The following ADAMTS3 variants were observed in gnomAD, a reference collection of about 807,000 sequenced individuals.
The protein encoded by ADAMTS3 is ADAM metallopeptidase with thrombospondin type 1 motif 3.
A neutral mutation model predicts 129.0 loss-of-function variants in ADAMTS3; 73 were observed. The ratio of observed to expected loss-of-function variants is 0.57; its 90% CI spans 0.47 to 0.69. The LOEUF is 0.69. ADAMTS3 is among the 30% of genes least tolerant of loss of function. The pLI is 0.00. For missense variants in ADAMTS3, 1,457 were observed against 1,514.5 expected, an observed-to-expected ratio of 0.96 and a Z score of 0.63; for synonymous variants, 477 against 510.8, an observed-to-expected ratio of 0.93 and a Z score of 0.89.
chr4:72,568,296 A>G (rs926207721), intron 1 of ADAMTS3, among the ~76,000 whole-genome samples: 1 of 152,172 alleles, frequency 6.6e-6, no homozygotes, highest in South Asian at 2.1e-4. Context: ...CTCTGGCGGC[A>G]GCAGCCAGAG....
chr4:72,516,639 T>A (rs1342381661), intron 3 of ADAMTS3, among the ~76,000 whole-genome samples: 1 of 152,150 alleles, frequency 6.6e-6, no homozygotes, highest in Non-Finnish European at 1.5e-5. Context: ...TCTCTGCTAG[T>A]CCGTTATTGG....
intron 3 of ADAMTS3, among the ~76,000 whole-genome samples, chr4:72,463,027 C>T (rs1294652065): frequency 1.3e-5 from 2 of 151,920 alleles, no homozygotes; most frequent in African/African-American, 4.8e-5. Context: ...CCTGAAAGCT[C>T]CATTCATGAC....
At chr4:72,497,717 A>G (rs1013202229) in intron 3 of ADAMTS3, among the ~76,000 whole-genome samples, 2 of 146,192 alleles carry the variant, frequency 1.4e-5, no homozygotes, top group East Asian at 4.0e-4. Context: ...AAAAATCTCA[A>G]CTTTTCTTGT....
chr4:72,355,346 A>G (rs191426655), intron 4 of ADAMTS3, among the ~76,000 whole-genome samples: 213 of 152,128 alleles, frequency 1.4e-3, no homozygotes, highest in African/African-American at 4.9e-3. Context: ...CCAAAACCTC[A>G]AAACAATGTG....
intron 4 of ADAMTS3, among the ~76,000 whole-genome samples, chr4:72,384,895 G>A (rs1400700960): frequency 1.3e-5 from 2 of 152,158 alleles, no homozygotes; most frequent in Non-Finnish European, 2.9e-5. Context: ...GGGGCCGGGT[G>A]TGGTGGCTCA....
At chr4:72,393,893 A>C (rs1437503951) in intron 4 of ADAMTS3, among the ~76,000 whole-genome samples, 2 of 152,320 alleles carry the variant, frequency 1.3e-5, no homozygotes, top group Non-Finnish European at 2.9e-5. Context: ...AATTTGTTTT[A>C]TTAAGAAACT....
chr4:72,381,655 G>C (rs1721291098), intron 4 of ADAMTS3, among the ~76,000 whole-genome samples: 1 of 151,864 alleles, frequency 6.6e-6, no homozygotes, highest in African/African-American at 2.4e-5. Context: ...AGATATACAG[G>C]AACCACCCAG....
chr4:72,410,030 A>T (rs940991303), intron 4 of ADAMTS3, among the ~76,000 whole-genome samples: 2 of 152,174 alleles, frequency 1.3e-5, no homozygotes, highest in Non-Finnish European at 2.9e-5. Flanking sequence ...TCATTTACTA[A>T]AAAATGTCTG....
chr4:72,493,135 C>T (rs1040226626), intron 3 of ADAMTS3, among the ~76,000 whole-genome samples: 1 of 151,920 alleles, frequency 6.6e-6, no homozygotes, highest in Non-Finnish European at 1.5e-5. Context: ...TTATAGACAA[C>T]ATATCACCAA....
At chr4:72,462,551 G>A (rs980845673) in intron 3 of ADAMTS3, among the ~76,000 whole-genome samples, 2 of 151,830 alleles carry the variant, frequency 1.3e-5, no homozygotes, top group South Asian at 4.1e-4. Flanking sequence ...TGGTCCCGTA[G>A]GATTCCAATG....
chr4:72,481,995 A>G (rs1224316069), intron 3 of ADAMTS3, among the ~76,000 whole-genome samples: 1 of 152,136 alleles, frequency 6.6e-6, no homozygotes, highest in African/African-American at 2.4e-5. Flanking sequence ...AAACATAGTG[A>G]CATCACCAAA....
intron 20 of ADAMTS3, among the ~76,000 whole-genome samples, chr4:72,289,907 A>G (rs529372837): frequency 6.6e-6 from 1 of 152,266 alleles, no homozygotes; most frequent in East Asian, 1.9e-4. Flanking sequence ...AAATTACCCA[A>G]TCTGTGGAAT....
At chr4:72,481,581 A>G (rs1485207321) in intron 3 of ADAMTS3, among the ~76,000 whole-genome samples, 1 of 152,176 alleles carries the variant, frequency 6.6e-6, no homozygotes. Flanking sequence ...TAAGTCATAA[A>G]ATCATAAGAC....
At position 72,283,454 on chromosome 4, in the gene ADAMTS3, C is replaced by A. The variant is rs1172530274; in HGVS notation, c.3300G>T (p.Lys1100Asn). The A allele has an allele frequency of 1.2e-6, 2 of 1,614,052 alleles. No individual in the cohort carries two copies. Among genetic ancestry groups the A allele is most frequent in the Non-Finnish European group, 1.7e-6 (2 of 1,179,988 alleles). ...CTGAAGAGATGCTACTCAAAGACAT[C>A]TTCTTTGCAGGGGTCTCTGAATGAT... The part of the protein sequence containing the change: ...VPYHSETPAK[K>N]MSLSSISSVG... Residue 1100 changes from lysine (K) to asparagine (N), a missense_variant, in exon 22 of 22, where the codon AAG (lysine) becomes AAT (asparagine). By Grantham distance (94) the Lys-to-Asn change is moderately conservative. Transcript: ENST00000286657.
chr4:72,467,432 A>T (rs1332786395), intron 3 of ADAMTS3, among the ~76,000 whole-genome samples: 1 of 152,058 alleles, frequency 6.6e-6, no homozygotes, highest in African/African-American at 2.4e-5. Flanking sequence ...AAACCTGCAA[A>T]TGGCTCCTTA....
intron 4 of ADAMTS3, among the ~76,000 whole-genome samples, chr4:72,402,178 T>C (rs1057424969): frequency 6.6e-6 from 1 of 152,186 alleles, no homozygotes; most frequent in South Asian, 2.1e-4. Context: ...CTCCCAGTCA[T>C]TGTATCTTGA....
At chr4:72,450,746 G>A in intron 3 of ADAMTS3, among the ~76,000 whole-genome samples, 1 of 151,762 alleles carries the variant, frequency 6.6e-6, no homozygotes, top group Non-Finnish European at 1.5e-5. Context: ...TTCCAGCCGG[G>A]TGCCTTGTGC....
At position 72,298,261 on chromosome 4, in the gene ADAMTS3, T is replaced by C. The variant is rs765276478; in HGVS notation, c.2590+16A>G. The C allele has an allele frequency of 1.2e-6, 2 of 1,605,242 alleles. No homozygotes were observed. The highest frequency in any genetic ancestry group is 1.7e-6 in the Non-Finnish European group (2 of 1,175,034). ...ATGCATTACATTTTAATATAATAAA[T>C]GTGTTCAATGGTTACCTCCACCACA... is the stretch of plus-strand genomic sequence containing the variant. On this transcript the variant is annotated intron_variant, in intron 18 of 21. Coordinates refer to ENST00000286657, the MANE Select transcript of ADAMTS3 (RefSeq NM_014243.3).
At chr4:72,454,415 C>A (rs1039707515) in intron 3 of ADAMTS3, among the ~76,000 whole-genome samples, 14 of 151,612 alleles carry the variant, frequency 9.2e-5, no homozygotes, top group Admixed American at 8.6e-4. Flanking sequence ...TGAACCACCC[C>A]ACACCAAGTG....
Sources: gnomAD v4.1 joint callset for allele counts (sites outside exome capture counted in the v4.1 genomes callset) on GRCh38, gnomAD v4.1.1 for gene constraint, MANE v1.5 for transcripts, NCBI Gene and HGNC (gene_info 2026-07-23, HGNC 2026-07-21) for gene names.